Variants in SERTAD2 observed in about 807,000 individuals in gnomAD.
The protein encoded by SERTAD2 is SERTA domain containing 2.
SERTAD2 carries 2 observed loss-of-function variants against 15.4 expected under a neutral mutation model. The observed-to-expected ratio is 0.13, with a 90% confidence interval of 0.05 to 0.41. The LOEUF (loss-of-function observed/expected upper bound fraction) is 0.41, where lower values mean the gene tolerates loss of function less well. Ranked by LOEUF, SERTAD2 falls within the 10% of genes least tolerant of loss-of-function variation. The pLI, the probability that SERTAD2 is intolerant of heterozygous loss-of-function variation, is 0.99. For missense variants in SERTAD2, 333 were observed against 409.7 expected (o/e 0.81, Z 1.62); for synonymous variants, 180 against 178.0 (o/e 1.01, Z -0.09).
chr2:64,643,421 C>T (rs1558654404), intron 1 of SERTAD2, among the ~76,000 whole-genome samples: 1 of 152,206 alleles, frequency 6.6e-6, no homozygotes, highest in Non-Finnish European at 1.5e-5. Context: ...GTGGAGAGCA[C>T]AGCTGGGGCC....
intron 1 of SERTAD2, among the ~76,000 whole-genome samples, chr2:64,639,004 A>G (rs1674717187): frequency 6.6e-6 from 1 of 152,258 alleles, no homozygotes; most frequent in Non-Finnish European, 1.5e-5. Context: ...CTGTATTCAC[A>G]GGTATGCTAT....
At chr2:64,651,773 G>A (rs1156376406) in intron 1 of SERTAD2, among the ~76,000 whole-genome samples, 2 of 152,094 alleles carry the variant, frequency 1.3e-5, no homozygotes, top group African/African-American at 4.8e-5. Context: ...TGTGACATTC[G>A]CCTGACAATA....
In SERTAD2 at chr2:64,631,998, A is replaced by G. The variant is rs1265779851; in HGVS notation, c.*3929T>C. 1 of 152,622 alleles carries G rather than the reference A, an allele frequency of 6.6e-6. No homozygotes were observed. Among genetic ancestry groups the G allele is most frequent in the African/African-American group, 2.4e-5 (1 of 41,444 alleles). 9.5% of individuals were successfully genotyped at this position (152,622 alleles called of 1,614,324 possible). A position where few individuals can be genotyped will look rare whatever the true frequency, so the allele number is the denominator to read the frequency against. On this transcript the variant is annotated 3_prime_UTR_variant, in exon 2 of 2. Transcript: ENST00000313349. ...CTGCAATAGCATTTGATCCTGGCTA[A>G]TTTTCAAGAACCATTCAGACTCATT...
intron 1 of SERTAD2, among the ~76,000 whole-genome samples, chr2:64,650,077 G>C (rs180921218): frequency 6.6e-6 from 1 of 152,312 alleles, no homozygotes; most frequent in East Asian, 1.9e-4. Flanking sequence ...TTACTTCAGA[G>C]AATCCTAGCA....
chr2:64,632,740 A>AC lies in SERTAD2; in HGVS notation c.*3186dup, dbSNP rs998770805. The AC allele has an allele frequency of 6.6e-6, 1 of 152,434 alleles. No homozygotes were observed. Among genetic ancestry groups the AC allele is most frequent in the African/African-American group, 2.4e-5 (1 of 41,354 alleles). 9.4% of individuals were successfully genotyped at this position (152,434 alleles called of 1,614,324 possible). On this transcript the variant is annotated 3_prime_UTR_variant, in exon 2 of 2. Transcript: ENST00000313349. Reference sequence around the variant, plus strand: ...GAGAAGACCTGGGGGCCTGGCTTGGACCCCCTTTTAATACAGATTTACATT... The same window carrying AC: ...GAGAAGACCTGGGGGCCTGGCTTGGACCCCCCTTTTAATACAGATTTACATT...
intron 1 of SERTAD2, among the ~76,000 whole-genome samples, chr2:64,645,447 A>C (rs1674883443): frequency 6.6e-6 from 1 of 152,138 alleles, no homozygotes; most frequent in African/African-American, 2.4e-5. Context: ...AGCCCCAAGT[A>C]AATTTAAGAA....
Position 64,635,981 on chromosome 2 carries a change from G to C in SERTAD2, c.891C>G (p.Phe297Leu). The C allele has an allele frequency of 6.2e-7, 1 of 1,614,092 alleles. No individual in the cohort carries two copies. Residue 297 changes from phenylalanine to leucine, a missense_variant, in exon 2 of 2, where the codon TTC becomes TTG. Physicochemically the swap from Phe to Leu is conservative, Grantham distance 22. Around this residue, in one of 2 missense-constraint regions of SERTAD2, gnomAD observed 332 missense variants for 392.9 expected, o/e 0.84. Transcript: ENST00000313349. ...GGTCCAGCTCTGTGAGGTCCATTTT[G>C]AAAGGCTGACTTGGGGTGACAGGCT... ...SSQPVTPSQP[F>L]KMDLTELDHI...
intron 1 of SERTAD2, among the ~76,000 whole-genome samples, chr2:64,643,845 G>A (rs1234764882): frequency 3.3e-5 from 5 of 151,612 alleles, no homozygotes; most frequent in African/African-American, 1.2e-4. Context: ...CAGCCTGGGT[G>A]ACAGAGTAAA....
intron 1 of SERTAD2, among the ~76,000 whole-genome samples, chr2:64,647,586 A>G (rs1674931119): frequency 1.3e-5 from 2 of 152,144 alleles, no homozygotes; most frequent in East Asian, 1.9e-4. Flanking sequence ...CCCTCACACT[A>G]GAGACCCTTA....
chr2:64,651,907 T>C (rs1267173452), intron 1 of SERTAD2, among the ~76,000 whole-genome samples: 1 of 151,604 alleles, frequency 6.6e-6, no homozygotes, highest in Non-Finnish European at 1.5e-5. Flanking sequence ...AAAAAGGGGG[T>C]TGGGGGATGT....
In SERTAD2 at chr2:64,645,268, C is replaced by A. The variant is rs147263890; in HGVS notation, c.-5+8352G>T. Among the ~76,000 whole-genome samples, 693 of 152,296 alleles carry A rather than the reference C, an allele frequency of 4.6e-3. 3 individuals are homozygous for A. The highest frequency in any genetic ancestry group is 8.1e-3 in the Non-Finnish European group (552 of 68,010). On this transcript the variant is annotated intron_variant, in intron 1 of 1. Transcript: ENST00000313349. The stretch of plus-strand genomic sequence containing the variant: ...TCCTCCGGGCTCTCCCGCTGCGCAC[C>A]GGCCGCGCGGGGGCCCGCAGGGCAA...
rs771869240 is a variant in SERTAD2 at position 64,636,771 on chromosome 2, G to T, written c.101C>A (p.Thr34Asn). The change falls in exon 2 of 2, where the codon ACC becomes AAC. Residue 34 changes from threonine (T) to asparagine (N), a missense_variant. Transcript: ENST00000313349. ...GTTGAAGATAGTCTGGCGCTGTAAG[G>T]TGTAAGACACCTTGGATGGACCGTC... Reference protein sequence around the residue: ...PCDGPSKVSYTLQRQTIFNIS... With the variant: ...PCDGPSKVSYNLQRQTIFNIS... 8.7e-6 allele frequency: 14 copies of T among 1,614,080 alleles called. No individual in the cohort carries two copies. Among genetic ancestry groups the T allele is most frequent in the Middle Eastern group, 3.3e-4 (2 of 6,084 alleles).
At chr2:64,645,391 A>AG (rs1674881534) in intron 1 of SERTAD2, among the ~76,000 whole-genome samples, 1 of 39,496 alleles carries the variant, frequency 2.5e-5, no homozygotes, top group Admixed American at 3.1e-4. Flanking sequence ...AAGAAGAAGA[A>AG]GAAAAAAAAA....
chr2:64,640,901 C>T (rs777944714), intron 1 of SERTAD2, among the ~76,000 whole-genome samples: 54 of 152,330 alleles, frequency 3.5e-4, no homozygotes, highest in South Asian at 1.2e-3. Flanking sequence ...CTAAAACTAA[C>T]CCCAGCCACT....
At chr2:64,637,018 G>T in intron 1 of SERTAD2, 143 bp from the exon 2 acceptor site, 1 of 620,102 alleles carries the variant, frequency 1.6e-6, no homozygotes, top group Non-Finnish European at 2.8e-6. Context: ...ATTAATTAGG[G>T]GTGGGAGGAA....
chr2:64,645,358 T>A (rs1046272969), intron 1 of SERTAD2, among the ~76,000 whole-genome samples: 71 of 149,108 alleles, frequency 4.8e-4, no homozygotes, highest in African/African-American at 1.7e-3. Context: ...GGAGCAATCC[T>A]CCCGGCTTTC....
At chr2:64,652,078 A>G (rs757889055) in intron 1 of SERTAD2, among the ~76,000 whole-genome samples, 9 of 152,216 alleles carry the variant, frequency 5.9e-5, no homozygotes, top group Non-Finnish European at 1.2e-4. Flanking sequence ...AAAGAAGTCA[A>G]TGAAGCTAAA....
chr2:64,648,721 G>A (rs1674953655), intron 1 of SERTAD2, among the ~76,000 whole-genome samples: 1 of 152,074 alleles, frequency 6.6e-6, no homozygotes, highest in African/African-American at 2.4e-5. Flanking sequence ...AGCTTTAGAA[G>A]GAGGCAGGAA....
intron 1 of SERTAD2, among the ~76,000 whole-genome samples, chr2:64,652,915 C>T (rs1240056603): frequency 2.0e-5 from 3 of 152,118 alleles, no homozygotes; most frequent in Non-Finnish European, 2.9e-5. Flanking sequence ...TGACGACACC[C>T]CCTCTCTTAC....
Sources: allele counts gnomAD v4.1 joint callset (sites outside exome capture counted in the v4.1 genomes callset), GRCh38; gene constraint gnomAD v4.1.1; regional missense constraint gnomAD v4.1.1; transcripts MANE v1.5; gene names NCBI Gene and HGNC (gene_info 2026-07-23, HGNC 2026-07-21).